Variants in DPYD observed in about 807,000 individuals in gnomAD.
DPYD encodes the protein dihydropyrimidine dehydrogenase.
Under a neutral mutation model 116.2 loss-of-function variants are expected in DPYD, and 109 were observed. The observed-to-expected ratio is 0.94, with a 90% confidence interval of 0.80 to 1.10. DPYD has a LOEUF of 1.10. Among genes scored for constraint, DPYD ranks in the 50% least tolerant of loss-of-function variants. DPYD has a pLI of 0.00. For synonymous variants in DPYD, 440 were observed against 432.0 expected, an observed-to-expected ratio of 1.02 and a Z score of -0.23; for missense variants, 1,302 against 1,254.5, an observed-to-expected ratio of 1.04 and a Z score of -0.57.
chr1:97,209,041 T>C lies in DPYD; in HGVS notation c.2443-15793A>G, dbSNP rs7534056. 4.2e-3 allele frequency among the ~76,000 whole-genome samples: 640 copies of C among 152,236 alleles called. 8 individuals are homozygous for C. The highest frequency in any genetic ancestry group is 0.015 in the African/African-American group (623 of 41,554). On this transcript the variant is annotated intron_variant, in intron 19 of 22. Transcript: ENST00000370192. ...CTCCAGGACCAAAATGATCATATCT[T>C]TGTTGTAAACAATTAACTTAATCAC...
chr1:97,888,705 C>A (rs1462020589), intron 1 of DPYD, among the ~76,000 whole-genome samples: 2 of 150,864 alleles, frequency 1.3e-5, no homozygotes, highest in African/African-American at 4.9e-5. Context: ...CCAGAGAGAC[C>A]AGAGAGAAGT....
In DPYD at chr1:97,449,978, T is replaced by G. The variant is rs959192241; in HGVS notation, c.1905+81A>C. On this transcript the variant is annotated intron_variant, in intron 14 of 22. Transcript: ENST00000370192. ...AATAAAATATACACATTAATATTTA[T>G]AAGCCTATGAATTGGATGTTTAAAT... 2.6e-6 allele frequency: 4 copies of G among 1,536,652 alleles called. No homozygotes were observed. In the Admixed American group the frequency reaches 6.7e-5, roughly 26 times the overall value.
intron 1 of DPYD, among the ~76,000 whole-genome samples, chr1:97,887,097 C>T (rs1451742864): frequency 6.6e-6 from 1 of 151,950 alleles, no homozygotes; most frequent in African/African-American, 2.4e-5. Context: ...ACCAGGGACA[C>T]CCAAGAATGA....
At chr1:97,617,784 A>C (rs1656380938) in intron 8 of DPYD, among the ~76,000 whole-genome samples, 1 of 152,154 alleles carries the variant, frequency 6.6e-6, no homozygotes, top group African/African-American at 2.4e-5. Flanking sequence ...GCAGAAACTC[A>C]GACTCCACCC....
chr1:97,521,817 C>T (rs1438744626), intron 12 of DPYD, among the ~76,000 whole-genome samples: 1 of 152,126 alleles, frequency 6.6e-6, no homozygotes, highest in Non-Finnish European at 1.5e-5. Context: ...GAAAGGATTC[C>T]CTATTTAATA....
At chr1:97,235,981 T>C (rs1661899685) in intron 18 of DPYD, among the ~76,000 whole-genome samples, 1 of 152,214 alleles carries the variant, frequency 6.6e-6, no homozygotes, top group African/African-American at 2.4e-5. Flanking sequence ...TATTCCCTAA[T>C]AGTAATAAAA....
At chr1:97,115,811 T>C (rs1011243138) in intron 20 of DPYD, among the ~76,000 whole-genome samples, 7 of 152,152 alleles carry the variant, frequency 4.6e-5, no homozygotes, top group African/African-American at 1.7e-4. Flanking sequence ...GATGCATATG[T>C]AATGACTACA....
chr1:97,210,257 C>T lies in DPYD; in HGVS notation c.2443-17009G>A, dbSNP rs542683446. Among the ~76,000 whole-genome samples the T allele has an allele frequency of 6.6e-5, 10 of 152,038 alleles. No homozygotes were observed. The East Asian group carries it at 1.7e-3, about 26-fold the overall frequency. ...AATGTAGAGCGTTTTTTTCCCTCCC[C>T]CTTGGAGGGAAATGTTTTATAGACC... On this transcript the variant is annotated intron_variant, in intron 19 of 22. Coordinates refer to ENST00000370192, the MANE Select transcript of DPYD (RefSeq NM_000110.4).
At chr1:97,554,714 G>A (rs1010080712) in intron 11 of DPYD, among the ~76,000 whole-genome samples, 1 of 152,076 alleles carries the variant, frequency 6.6e-6, no homozygotes, top group African/African-American at 2.4e-5. Flanking sequence ...CTCCAACTAA[G>A]AATATCAAGT....
chr1:97,358,617 G>A (rs893045376), intron 16 of DPYD, among the ~76,000 whole-genome samples: 4 of 151,984 alleles, frequency 2.6e-5, no homozygotes, highest in African/African-American at 9.7e-5. Flanking sequence ...GAAGGATCAG[G>A]TCGCAATATT....
chr1:97,248,388 C>T (rs1219408992), intron 18 of DPYD, among the ~76,000 whole-genome samples: 1 of 152,142 alleles, frequency 6.6e-6, no homozygotes, highest in Non-Finnish European at 1.5e-5. Context: ...CTGCTGCCAT[C>T]CATGTAAGAT....
chr1:97,191,030 T>A (rs1200284055), intron 20 of DPYD, among the ~76,000 whole-genome samples: 1 of 151,792 alleles, frequency 6.6e-6, no homozygotes, highest in Non-Finnish European at 1.5e-5. Context: ...GATAGGACAA[T>A]GTGAGTTATA....
intron 16 of DPYD, among the ~76,000 whole-genome samples, chr1:97,353,631 T>G (rs1205315343): frequency 7.4e-6 from 1 of 135,912 alleles, no homozygotes; most frequent in East Asian, 2.8e-4. Context: ...CATTCTGTTT[T>G]TTTTTTTTTT....
intron 16 of DPYD, among the ~76,000 whole-genome samples, chr1:97,336,970 G>A (rs962693530): frequency 2.0e-5 from 3 of 152,170 alleles, no homozygotes; most frequent in African/African-American, 4.8e-5. Context: ...TGAAAAGGGA[G>A]ATGATTGTGA....
chr1:97,138,474 T>C (rs893266759), intron 20 of DPYD, among the ~76,000 whole-genome samples: 1 of 152,096 alleles, frequency 6.6e-6, no homozygotes, highest in Non-Finnish European at 1.5e-5. Context: ...GCATGGTGAG[T>C]TCATCCGGTT....
chr1:97,877,695 G>C (rs1170856442), intron 2 of DPYD, among the ~76,000 whole-genome samples: 2 of 152,014 alleles, frequency 1.3e-5, no homozygotes, highest in Non-Finnish European at 2.9e-5. Flanking sequence ...TATAACAGGA[G>C]GCAAGGGTAG....
chr1:97,480,324 A>G (rs1012924603), intron 13 of DPYD, among the ~76,000 whole-genome samples: 3 of 152,212 alleles, frequency 2.0e-5, no homozygotes, highest in Non-Finnish European at 2.9e-5. Context: ...CTGGAATACG[A>G]AAGACTTGTC....
At chr1:97,401,066 A>C in intron 14 of DPYD, among the ~76,000 whole-genome samples, 1 of 152,130 alleles carries the variant, frequency 6.6e-6, no homozygotes, top group East Asian at 1.9e-4. Flanking sequence ...TCCTGACATG[A>C]TGTAGAGTAC....
chr1:97,163,405 A>T (rs1424616079), intron 20 of DPYD, among the ~76,000 whole-genome samples: 1 of 152,222 alleles, frequency 6.6e-6, no homozygotes, highest in East Asian at 1.9e-4. Flanking sequence ...ACAATCTACT[A>T]CCCAAATCAA....
Sources: gnomAD v4.1 joint callset for allele counts (sites outside exome capture counted in the v4.1 genomes callset) on GRCh38, gnomAD v4.1.1 for gene constraint, MANE v1.5 for transcripts, NCBI Gene and HGNC (gene_info 2026-07-23, HGNC 2026-07-21) for gene names.